Variants in PKD1L3 observed in about 807,000 individuals in gnomAD.
PKD1L3 encodes polycystin-1-like protein 3.
In PKD1L3, 239 loss-of-function variants were observed where a neutral mutation model predicts 184.1. The observed-to-expected ratio is 1.30, with a 90% CI of 1.17 to 1.45. The LOEUF (loss-of-function observed/expected upper bound fraction) is 1.45. PKD1L3 is among the 40% of genes most tolerant of loss of function. PKD1L3 has a pLI of 0.00. For synonymous variants in PKD1L3, 996 were observed against 778.8 expected (o/e 1.28, Z -4.64); for missense variants, 2,660 against 2,067.2 (o/e 1.29, Z -5.56).
chr16:71,940,168 C>T (rs2038312420), intron 24 of PKD1L3, among the ~76,000 whole-genome samples: 2 of 152,094 alleles, frequency 1.3e-5, no homozygotes, highest in Non-Finnish European at 2.9e-5. Flanking sequence ...CCTCACCATT[C>T]ACAACCAGGT....
intron 27 of PKD1L3, 85 bp downstream of exon 27, chr16:71,933,808 CTACTGTACCACCTCGGGTTTCT>C: frequency 1.6e-6 from 2 of 1,263,740 alleles, no homozygotes; most frequent in East Asian, 2.5e-5. Context: ...CCCGGCTTTC[CTACTGTACCACCTCGGGTTTCT>C]GTGTTGTGAC....
rs1010093320 is a variant in PKD1L3, at chr16:71,990,767, G to A, written c.536-438C>T. ...GCCAAAAAAAAATAAAGGTAAGGAA[G>A]GAAAAGACAAAAGGGAACCTATGAT... On this transcript the variant is annotated intron_variant, in intron 3 of 29. Transcript: ENST00000620267. Among the ~76,000 whole-genome samples, 3 of 151,056 alleles carry A rather than the reference G, an allele frequency of 2.0e-5. No individual in the cohort carries two copies. In the South Asian group the frequency reaches 6.3e-4, roughly 32 times the overall value.
At chr16:71,968,951 A>C (rs1183683947) in intron 13 of PKD1L3, among the ~76,000 whole-genome samples, 6 of 136,460 alleles carry the variant, frequency 4.4e-5, no homozygotes, top group Non-Finnish European at 9.5e-5. Flanking sequence ...TTGAGACAGA[A>C]TCTCACTCTG....
rs1377147185 is a variant in PKD1L3 at position 71,950,152 on chromosome 16, T to C, written c.3349A>G (p.Thr1117Ala). Residue 1117 changes from threonine to alanine, a missense_variant, in exon 20 of 30, where the codon ACA (threonine) becomes GCA (alanine). By Grantham distance (58) the Thr-to-Ala change is moderately conservative. Coordinates refer to ENST00000620267, the MANE Select transcript of PKD1L3 (RefSeq NM_181536.2). ...QLQKLQELLE[T>A]HILPTEQEPS... ...TCTTGCTCCGTGGGAAGAATATGTG[T>C]TTCCAAGAGTTCCTGGAGTTTTTGA... is the stretch of plus-strand genomic sequence containing the variant. 6.4e-7 allele frequency: 1 copy of C among 1,552,212 alleles called. No individual in the cohort carries two copies. Among genetic ancestry groups the C allele is most frequent in the Non-Finnish European group, 8.7e-7 (1 of 1,147,074 alleles).
intron 12 of PKD1L3, among the ~76,000 whole-genome samples, chr16:71,972,336 G>T (rs1384517830): frequency 6.6e-6 from 1 of 152,214 alleles, no homozygotes; most frequent in Non-Finnish European, 1.5e-5. Context: ...CGGGGCAGAG[G>T]TTGCGGTGAG....
chr16:71,934,147 GTTACTCAGCAAGAAGTATGTGCC>G, intron 26 of PKD1L3, 22 bp from the exon 27 acceptor site: 2 of 1,550,122 alleles, frequency 1.3e-6, no homozygotes, highest in Non-Finnish European at 1.7e-6. Context: ...AAAGCTGACA[GTTACTCAGCAAGAAGTATGTGCC>G]TATACTGCAG....
intron 26 of PKD1L3, 123 bp from the exon 27 acceptor site, chr16:71,934,248 T>G: frequency 1.2e-6 from 1 of 829,848 alleles, no homozygotes; most frequent in South Asian, 1.6e-5. Flanking sequence ...CTTGTTGATG[T>G]GAGAACTGCT....
At chr16:71,998,168 T>A in intron 2 of PKD1L3, 104 bp downstream of exon 2, 1 of 1,439,198 alleles carries the variant, frequency 6.9e-7, no homozygotes, top group South Asian at 1.3e-5. Flanking sequence ...CATCCCATGG[T>A]CTAACACTCA....
chr16:71,933,376 T>C (rs1567485364), intron 28 of PKD1L3, 44 bp downstream of exon 28: 2 of 1,426,058 alleles, frequency 1.4e-6, no homozygotes, highest in Admixed American at 2.0e-5. Flanking sequence ...ATTTTCCTTG[T>C]TCAATATATT....
At chr16:71,968,583 C>A (rs2039588480) in intron 13 of PKD1L3, among the ~76,000 whole-genome samples, 1 of 152,130 alleles carries the variant, frequency 6.6e-6, no homozygotes, top group Non-Finnish European at 1.5e-5. Context: ...ATATAAATTT[C>A]TTGTATATTA....
chr16:71,980,530 T>C (rs2040108062), intron 7 of PKD1L3, among the ~76,000 whole-genome samples: 1 of 152,148 alleles, frequency 6.6e-6, no homozygotes, highest in Admixed American at 6.6e-5. Flanking sequence ...TTAGGATTCA[T>C]CCTCCCTAAA....
At chr16:71,949,756 C>G in intron 21 of PKD1L3, 27 bp downstream of exon 21, 2 of 1,537,582 alleles carry the variant, frequency 1.3e-6, no homozygotes, top group Non-Finnish European at 1.8e-6. Context: ...TCTGCAACTC[C>G]AATGGTTCTT....
chr16:71,942,125 G>T (rs903318859), intron 24 of PKD1L3, among the ~76,000 whole-genome samples: 1 of 151,604 alleles, frequency 6.6e-6, no homozygotes, highest in Non-Finnish European at 1.5e-5. Flanking sequence ...GACCAGCCTG[G>T]CAAACATGGC....
chr16:71,985,974 A>T (rs147792545), intron 5 of PKD1L3, among the ~76,000 whole-genome samples: 1 of 152,356 alleles, frequency 6.6e-6, no homozygotes, highest in Non-Finnish European at 1.5e-5. Context: ...GTAGGTGAAC[A>T]GAACTTCTTC....
In PKD1L3 at chr16:71,980,098, C is replaced by T; in HGVS notation, c.1180G>A (p.Gly394Arg). ...DILEMSLVEF[G>R]NIGEAFLEQN... The stretch of plus-strand genomic sequence containing the variant: ...TCTAGAAATGCTTCCCCGATATTCC[C>T]AAACTCCACCAAGGACATTTCCAGG... The change falls in exon 8 of 30, where the codon GGG becomes AGG. Residue 394 changes from glycine (G) to arginine (R), a missense_variant. By Grantham distance (125) the Gly-to-Arg change is moderately radical (BLOSUM62 -2). Transcript: ENST00000620267. 6.4e-7 allele frequency: 1 copy of T among 1,551,694 alleles called. No homozygotes were observed. Among genetic ancestry groups the T allele is most frequent in the Non-Finnish European group, 8.7e-7 (1 of 1,146,972 alleles).
chr16:71,998,365 G>A lies in PKD1L3; in HGVS notation c.325C>T (p.Pro109Ser), dbSNP rs1330661027. ...ADVAANGPPKPLSCTYLSRNF... is the reference protein window; with the variant it reads ...ADVAANGPPKSLSCTYLSRNF... ...CTGGACAGGTAGGTGCAGCTGAGGG[G>A]CTTTGGGGGCCCGTTGGCTGCAACG... The change falls in exon 2 of 30, where the codon CCC becomes TCC. Residue 109 changes from proline to serine, a missense_variant. Coordinates refer to ENST00000620267, the MANE Select transcript of PKD1L3 (RefSeq NM_181536.2). 1.3e-6 allele frequency: 2 copies of A among 1,551,642 alleles called. No individual in the cohort carries two copies. The highest frequency in any genetic ancestry group is 2.0e-5 in the Admixed American group (1 of 50,956).
Position 71,963,297 on chromosome 16 carries a change from G to C in PKD1L3, c.2520C>G (p.Phe840Leu). The C allele has an allele frequency of 6.4e-7, 1 of 1,551,408 alleles. No individual in the cohort carries two copies. Residue 840 changes from phenylalanine to leucine, a missense_variant, in exon 16 of 30, where the codon TTC (phenylalanine) becomes TTG (leucine). By Grantham distance (22) the Phe-to-Leu change is conservative. Transcript: ENST00000620267. ...CDMAVKRKWH[F>L]LCNCWLAVDL... ...CCACAGCCAGCCAGCAATTGCACAG[G>C]AAATGCCACTTCCTCTTAACTGCCA...
At position 71,984,249 on chromosome 16, in the gene PKD1L3, G is replaced by A. The variant is rs899005478; in HGVS notation, c.835-82C>T. 9 of 1,416,770 alleles carry A rather than the reference G, an allele frequency of 6.4e-6. No individual in the cohort carries two copies. The Admixed American group carries it at 1.3e-4, about 20-fold the overall frequency. 87.8% of individuals were successfully genotyped at this position (1,416,770 alleles called of 1,614,324 possible). A position where few individuals can be genotyped will look rare whatever the true frequency, so the allele number is the denominator to read the frequency against. ...AGTCAGGGAGATTATTTTCATCCAAGTTGACCTTGGGTAACTTTATAAACC... is the reference window on the plus strand; with the variant it reads ...AGTCAGGGAGATTATTTTCATCCAAATTGACCTTGGGTAACTTTATAAACC... On this transcript the variant is annotated intron_variant, in intron 5 of 29. Coordinates refer to ENST00000620267, the MANE Select transcript of PKD1L3 (RefSeq NM_181536.2).
At chr16:71,937,151 G>C in intron 25 of PKD1L3, 141 bp downstream of exon 25, 1 of 805,714 alleles carries the variant, frequency 1.2e-6, no homozygotes, top group East Asian at 3.0e-5. Flanking sequence ...TGCCTCCCAG[G>C]CTCAAGCAAT....
Sources: allele counts gnomAD v4.1 joint callset (sites outside exome capture counted in the v4.1 genomes callset), GRCh38; gene constraint gnomAD v4.1.1; transcripts MANE v1.5; gene names NCBI Gene and HGNC (gene_info 2026-07-23, HGNC 2026-07-21).